FSCN2: variants seen among roughly 807,000 people sequenced by gnomAD.
The protein encoded by FSCN2 is fascin-2.
In FSCN2, 46 loss-of-function variants were observed where a neutral mutation model predicts 37.8. The ratio of observed to expected loss-of-function variants is 1.22; its 90% CI spans 0.96 to 1.56. The LOEUF is 1.56. FSCN2 is among the 40% of genes most tolerant of loss of function. The pLI is 0.00. For missense variants in FSCN2, 844 were observed against 730.4 expected (o/e 1.16, Z -1.79); for synonymous variants, 351 against 309.4 (o/e 1.13, Z -1.41).
rs373996403 is a variant in FSCN2, at chr17:81,528,928, G to A, written c.397G>A (p.Val133Met). 6.7e-5 allele frequency: 106 copies of A among 1,591,248 alleles called. No individual in the cohort carries two copies. Among genetic ancestry groups the A allele is most frequent in the Middle Eastern group, 5.1e-4 (3 of 5,906 alleles). Residue 133 changes from valine (V) to methionine (M), a missense_variant, in exon 1 of 5, where the codon GTG (valine) becomes ATG (methionine). By Grantham distance (21) the Val-to-Met change is conservative (BLOSUM62 1). Transcript: ENST00000417245. ...TAVSPAELWT[V>M]HLAIHPQAHL... ...CGTTTCCCCGGCCGAGCTGTGGACC[G>A]TGCACCTGGCCATCCACCCGCAGGC... is the stretch of plus-strand genomic sequence containing the variant.
At chr17:81,536,105 T>C (rs1344891359) in intron 2 of FSCN2, 41 bp from the exon 3 acceptor site, 2 of 1,594,094 alleles carry the variant, frequency 1.3e-6, no homozygotes, top group South Asian at 2.3e-5. Context: ...TGCACCCCCA[T>C]CTCCTGCTGT....
chr17:81,518,839 G>A, the FSCN2 span, among the ~76,000 whole-genome samples: 1 of 152,248 alleles, frequency 6.6e-6, no homozygotes. Flanking sequence ...AGGGGAAGCG[G>A]GTCAGGGCGG....
At chr17:81,523,989 A>G (rs2032277325), upstream of FSCN2, 2 of 152,286 alleles carry the variant, frequency 1.3e-5, no homozygotes, top group South Asian at 4.1e-4. Flanking sequence ...AGCATCCAGG[A>G]TCAGTGGTCT....
At chr17:81,520,630 C>T in the FSCN2 span, among the ~76,000 whole-genome samples, 5 of 152,374 alleles carry the variant, frequency 3.3e-5, no homozygotes, top group East Asian at 9.6e-4. Flanking sequence ...AAGTTGAGAA[C>T]TGGCCTGGGA....
upstream of FSCN2, chr17:81,523,818 C>T (rs2032272366): frequency 6.6e-6 from 1 of 152,364 alleles, no homozygotes; most frequent in Admixed American, 6.5e-5. Flanking sequence ...TTCAGGGCTC[C>T]AGTCCAGCAG....
At chr17:81,524,959 G>A (rs985222691), upstream of FSCN2, among the ~76,000 whole-genome samples, 1 of 151,050 alleles carries the variant, frequency 6.6e-6, no homozygotes, top group Non-Finnish European at 1.5e-5. Flanking sequence ...CCCATGGGCA[G>A]AGGCTCAGCC....
chr17:81,516,638 T>G, the FSCN2 span, among the ~76,000 whole-genome samples: 2 of 152,104 alleles, frequency 1.3e-5, no homozygotes, highest in Non-Finnish European at 2.9e-5. Context: ...TGCCTCTGAG[T>G]TTTGGCTCAA....
chr17:81,531,318 A>C (rs797042755), intron 1 of FSCN2, among the ~76,000 whole-genome samples: 1 of 39,900 alleles, frequency 2.5e-5, no homozygotes, highest in African/African-American at 1.0e-4. Context: ...GGTGGTGGTG[A>C]TGATGGTGGT....
chr17:81,531,240 GTGATGATGGTGATGGTGA>G lies in FSCN2; in HGVS notation c.826+1889_826+1906del, dbSNP rs2032548758. On this transcript the variant is annotated intron_variant, in intron 1 of 4. Coordinates refer to ENST00000417245, the MANE Select transcript of FSCN2 (RefSeq NM_012418.4). ...GGTGATGGTGATAATGGTGATGGTG[GTGATGATGGTGATGGTGA>G]TGATGGTGGTGATGGCGGTGGTGAT... Among the ~76,000 whole-genome samples the G allele has an allele frequency of 3.2e-4, 43 of 133,952 alleles. 1 individual carries two copies. The highest frequency in any genetic ancestry group is 1.1e-3 in the African/African-American group (38 of 34,306). 87.9% of individuals were successfully genotyped at this position (133,952 alleles called of 152,430 possible).
intron 1 of FSCN2, chr17:81,529,643 C>A: frequency 1.5e-6 from 1 of 664,244 alleles, no homozygotes; most frequent in Admixed American, 1.8e-5. Context: ...AAGCCCTGGG[C>A]AGCTGCGGAG....
At chr17:81,522,464 C>T in the FSCN2 span, among the ~76,000 whole-genome samples, 475 of 152,356 alleles carry the variant, frequency 3.1e-3, 1 homozygote, top group Non-Finnish European at 5.2e-3. Flanking sequence ...GTGCAGAGCC[C>T]TTCTCACCGT....
At chr17:81,524,419 C>T (rs1421786681), upstream of FSCN2, among the ~76,000 whole-genome samples, 2 of 152,212 alleles carry the variant, frequency 1.3e-5, no homozygotes, top group Non-Finnish European at 2.9e-5. Flanking sequence ...CAGACCTCAG[C>T]TTGGGCCTCA....
At chr17:81,531,984 ATGATGGTGATGGTGG>A in intron 1 of FSCN2, among the ~76,000 whole-genome samples, 1 of 122,156 alleles carries the variant, frequency 8.2e-6, no homozygotes, top group African/African-American at 3.2e-5. Context: ...AATGGTGATG[ATGATGGTGATGGTGG>A]TGGTGATGGT....
intron 1 of FSCN2, among the ~76,000 whole-genome samples, chr17:81,533,443 T>C (rs2032761270): frequency 6.6e-6 from 1 of 152,170 alleles, no homozygotes; most frequent in Non-Finnish European, 1.5e-5. Flanking sequence ...AGTCCTCCGT[T>C]CTTACCTCCT....
chr17:81,521,699 G>T, the FSCN2 span, among the ~76,000 whole-genome samples: 1 of 152,078 alleles, frequency 6.6e-6, no homozygotes, highest in Non-Finnish European at 1.5e-5. Context: ...AACTTACCTC[G>T]TTTTAAACAT....
intron 1 of FSCN2, among the ~76,000 whole-genome samples, chr17:81,531,383 G>A (rs184226114): frequency 2.7e-5 from 4 of 148,012 alleles, no homozygotes; most frequent in Non-Finnish European, 6.0e-5. Context: ...TGGTGATGGT[G>A]GTGATGGTGA....
chr17:81,532,158 ATGATGGTGATGG>A (rs1485311885), intron 1 of FSCN2, among the ~76,000 whole-genome samples: 204 of 114,312 alleles, frequency 1.8e-3, no homozygotes, highest in African/African-American at 7.3e-3. Flanking sequence ...GATGGTGATG[ATGATGGTGATGG>A]TGGTGGTGAT....
the FSCN2 span, among the ~76,000 whole-genome samples, chr17:81,517,454 G>A: frequency 6.6e-6 from 1 of 152,232 alleles, no homozygotes; most frequent in Non-Finnish European, 1.5e-5. Context: ...GGGGACAGGA[G>A]GCCGTCAGGT....
chr17:81,532,394 GGTGATGATA>G (rs1400570575), intron 1 of FSCN2, among the ~76,000 whole-genome samples: 1 of 148,664 alleles, frequency 6.7e-6, no homozygotes, highest in Non-Finnish European at 1.5e-5. Flanking sequence ...TGGCGATGAT[GGTGATGATA>G]GTGATGGTGA....
Sources: gnomAD v4.1 joint callset for allele counts (sites outside exome capture counted in the v4.1 genomes callset) on GRCh38, gnomAD v4.1.1 for gene constraint, MANE v1.5 for transcripts, NCBI Gene and HGNC (gene_info 2026-07-23, HGNC 2026-07-21) for gene names.